The following SCFD2 variants were observed in gnomAD, a reference collection of about 807,000 sequenced individuals.
SCFD2 encodes the protein sec1 family domain-containing protein 2.
In SCFD2, 54 loss-of-function variants were observed where a neutral mutation model predicts 58.9. The ratio of observed to expected loss-of-function variants is 0.92; its 90% CI spans 0.74 to 1.15. The LOEUF (loss-of-function observed/expected upper bound fraction) is 1.15. Among genes scored for constraint, SCFD2 ranks in the 50% most tolerant of loss-of-function variants. The probability of loss-of-function intolerance (pLI) is 0.00; values close to 1 mark genes in which losing one functional copy is unlikely to be tolerated. For synonymous variants in SCFD2, 321 were observed against 335.9 expected (o/e 0.96, Z 0.49); for missense variants, 805 against 836.6 (o/e 0.96, Z 0.47).
intron 4 of SCFD2, among the ~76,000 whole-genome samples, chr4:53,161,265 G>A (rs576391053): frequency 1.3e-5 from 2 of 152,084 alleles, no homozygotes; most frequent in Non-Finnish European, 1.5e-5. Flanking sequence ...TCATTGAGCT[G>A]TACTTTTCTA....
chr4:53,025,688 C>G (rs971072231), intron 5 of SCFD2, among the ~76,000 whole-genome samples: 5 of 152,146 alleles, frequency 3.3e-5, no homozygotes, highest in African/African-American at 1.2e-4. Flanking sequence ...TTTGAAAAAG[C>G]TATTCAATTG....
chr4:53,347,710 A>G (rs2149158089), intron 2 of SCFD2, among the ~76,000 whole-genome samples: 1 of 152,330 alleles, frequency 6.6e-6, no homozygotes, highest in Middle Eastern at 3.4e-3. Flanking sequence ...ACAGCAAGGA[A>G]GCTTATGTGG....
At chr4:53,331,409 G>A (rs1482898712) in intron 2 of SCFD2, among the ~76,000 whole-genome samples, 1 of 152,162 alleles carries the variant, frequency 6.6e-6, no homozygotes, top group Non-Finnish European at 1.5e-5. Flanking sequence ...TCAGACCACA[G>A]TGCAATCAAA....
intron 4 of SCFD2, among the ~76,000 whole-genome samples, chr4:53,180,989 C>A (rs533878928): frequency 5.1e-4 from 77 of 152,198 alleles, no homozygotes; most frequent in Middle Eastern, 6.8e-3. Context: ...CAATAACAGG[C>A]TCTGAAATTG....
At chr4:53,346,484 G>C (rs1440756089) in intron 2 of SCFD2, among the ~76,000 whole-genome samples, 1 of 152,046 alleles carries the variant, frequency 6.6e-6, no homozygotes, top group Non-Finnish European at 1.5e-5. Flanking sequence ...ATGTTGGTTA[G>C]GCTGGTCTCA....
intron 4 of SCFD2, among the ~76,000 whole-genome samples, chr4:53,198,313 T>A (rs1411757236): frequency 1.3e-5 from 2 of 152,068 alleles, no homozygotes; most frequent in African/African-American, 4.8e-5. Flanking sequence ...CAAATTGAGT[T>A]GCTTGTTTTC....
intron 5 of SCFD2, among the ~76,000 whole-genome samples, chr4:52,933,055 TGAAGG>T (rs1720037455): frequency 2.0e-5 from 3 of 152,142 alleles, no homozygotes; most frequent in Admixed American, 6.5e-5. Context: ...GGCTGGGCCT[TGAAGG>T]TGGATTCCAA....
chr4:52,910,032 C>T (rs1719444639), intron 6 of SCFD2, among the ~76,000 whole-genome samples: 1 of 152,176 alleles, frequency 6.6e-6, no homozygotes, highest in African/African-American at 2.4e-5. Context: ...TAATCTGATA[C>T]CTTATCGGCA....
chr4:52,951,875 G>A (rs1198629233), intron 5 of SCFD2, among the ~76,000 whole-genome samples: 4 of 152,188 alleles, frequency 2.6e-5, no homozygotes, highest in Non-Finnish European at 5.9e-5. Context: ...TTAAGTCCTT[G>A]AACTTTTTGG....
At chr4:52,994,654 C>A (rs1721698808) in intron 5 of SCFD2, among the ~76,000 whole-genome samples, 1 of 152,138 alleles carries the variant, frequency 6.6e-6, no homozygotes, top group Admixed American at 6.5e-5. Context: ...CTACTCCACT[C>A]GACAGATATA....
intron 3 of SCFD2, among the ~76,000 whole-genome samples, chr4:53,277,545 A>G (rs1393511757): frequency 6.6e-6 from 1 of 152,204 alleles, no homozygotes; most frequent in African/African-American, 2.4e-5. Flanking sequence ...GCTCTACATG[A>G]TATGAAAACT....
intron 5 of SCFD2, among the ~76,000 whole-genome samples, chr4:53,055,677 C>T (rs1222389112): frequency 6.6e-6 from 1 of 152,256 alleles, no homozygotes; most frequent in Non-Finnish European, 1.5e-5. Flanking sequence ...AAGAATGAAA[C>T]AGGACTCACC....
At chr4:53,043,545 T>C (rs1439221699) in intron 5 of SCFD2, among the ~76,000 whole-genome samples, 2 of 152,258 alleles carry the variant, frequency 1.3e-5, no homozygotes, top group Admixed American at 1.3e-4. Flanking sequence ...TGGAACAAAA[T>C]TTCTAGATAA....
In SCFD2 at chr4:53,097,256, G is replaced by T. The variant is rs571804102; in HGVS notation, c.1561+48077C>A. 1.8e-3 allele frequency among the ~76,000 whole-genome samples: 268 copies of T among 152,180 alleles called. 2 individuals are homozygous for T. The highest frequency in any genetic ancestry group is 3.4e-3 in the Middle Eastern group (1 of 294). ...GTTTTTTCCAATTCTGTGAAGAAAGGCATTGGTAGCTTGATGGGGATGGCA... is the reference window on the plus strand; with the variant it reads ...GTTTTTTCCAATTCTGTGAAGAAAGTCATTGGTAGCTTGATGGGGATGGCA... On this transcript the variant is annotated intron_variant, in intron 5 of 8. Coordinates refer to ENST00000401642, the MANE Select transcript of SCFD2 (RefSeq NM_152540.4).
rs145778302 is a variant in SCFD2, at chr4:53,093,100, T to C, written c.1561+52233A>G. On this transcript the variant is annotated intron_variant, in intron 5 of 8. Coordinates refer to ENST00000401642, the MANE Select transcript of SCFD2 (RefSeq NM_152540.4). The stretch of plus-strand genomic sequence containing the variant: ...AGGAGCAGGAGATACTGTTAAAACA[T>C]TGGGAAAAAGAGGAGAGTTGATCAT... Among the ~76,000 whole-genome samples, 170 of 152,118 alleles carry C rather than the reference T, an allele frequency of 1.1e-3. 1 individual carries two copies. Among genetic ancestry groups the C allele is most frequent in the African/African-American group, 3.8e-3 (159 of 41,520 alleles).
chr4:52,959,063 T>G (rs1720780097), intron 5 of SCFD2, among the ~76,000 whole-genome samples: 1 of 152,178 alleles, frequency 6.6e-6, no homozygotes, highest in Non-Finnish European at 1.5e-5. Context: ...TGCCTCATGG[T>G]TCAGAGGTGG....
At chr4:53,194,349 T>C (rs1286602876) in intron 4 of SCFD2, among the ~76,000 whole-genome samples, 1 of 152,206 alleles carries the variant, frequency 6.6e-6, no homozygotes, top group East Asian at 1.9e-4. Flanking sequence ...TCAATGCTTA[T>C]TCCAATTATG....
intron 4 of SCFD2, among the ~76,000 whole-genome samples, chr4:53,176,353 T>C (rs1727327983): frequency 6.6e-6 from 1 of 152,122 alleles, no homozygotes; most frequent in Admixed American, 6.5e-5. Flanking sequence ...TAATACATAG[T>C]TGAAACACAT....
At chr4:53,093,159 CT>C (rs1321104038) in intron 5 of SCFD2, among the ~76,000 whole-genome samples, 1 of 151,752 alleles carries the variant, frequency 6.6e-6, no homozygotes, top group African/African-American at 2.4e-5. Context: ...TGGATTTTGA[CT>C]TTTTTTTGCT....
Sources: gnomAD v4.1 joint callset for allele counts (sites outside exome capture counted in the v4.1 genomes callset) on GRCh38, gnomAD v4.1.1 for gene constraint, MANE v1.5 for transcripts, NCBI Gene and HGNC (gene_info 2026-07-23, HGNC 2026-07-21) for gene names.